SNTG1: variants seen among roughly 807,000 people sequenced by gnomAD.
SNTG1 encodes the protein syntrophin gamma 1.
A neutral mutation model predicts 74.7 loss-of-function variants in SNTG1; 39 were observed. That is an observed-to-expected ratio of 0.52 (90% CI 0.40 to 0.68). SNTG1 has a LOEUF of 0.68. Among genes scored for constraint, SNTG1 ranks in the 30% least tolerant of loss-of-function variants. The pLI, the probability that SNTG1 is intolerant of heterozygous loss-of-function variation, is 0.00. For missense variants in SNTG1, 685 were observed against 609.5 expected, an observed-to-expected ratio of 1.12 and a Z score of -1.30; for synonymous variants, 254 against 217.1, an observed-to-expected ratio of 1.17 and a Z score of -1.49.
At chr8:50,438,905 C>T (rs2093332046) in intron 5 of SNTG1, among the ~76,000 whole-genome samples, 1 of 152,032 alleles carries the variant, frequency 6.6e-6, no homozygotes, top group South Asian at 2.1e-4. Flanking sequence ...CTTTAACCAA[C>T]TGGAGTAGGA....
chr8:50,243,935 G>T (rs984461873), intron 2 of SNTG1, among the ~76,000 whole-genome samples: 2 of 152,104 alleles, frequency 1.3e-5, no homozygotes, highest in African/African-American at 4.8e-5. Context: ...GGGTTTTGGG[G>T]GAAGGAGAAT....
intron 4 of SNTG1, among the ~76,000 whole-genome samples, chr8:50,429,633 A>T (rs1435818839): frequency 6.6e-6 from 1 of 152,178 alleles, no homozygotes; most frequent in African/African-American, 2.4e-5. Context: ...AAAAACAGAT[A>T]AATGGCACAT....
chr8:50,220,039 A>G (rs1191800790), intron 2 of SNTG1, among the ~76,000 whole-genome samples: 2 of 152,192 alleles, frequency 1.3e-5, no homozygotes, highest in African/African-American at 4.8e-5. Context: ...AAAGAACTAC[A>G]AGGAGAAATT....
At chr8:50,254,005 C>G (rs548818708) in intron 2 of SNTG1, among the ~76,000 whole-genome samples, 1 of 152,066 alleles carries the variant, frequency 6.6e-6, no homozygotes, top group African/African-American at 2.4e-5. Flanking sequence ...AAATAGTTAA[C>G]AGTAAGGTAT....
chr8:50,205,843 G>T (rs189975814), intron 2 of SNTG1, among the ~76,000 whole-genome samples: 2,570 of 152,224 alleles, frequency 0.017, 64 homozygotes, highest in African/African-American at 0.052. Context: ...CCCATTTCTT[G>T]TTTTTGTCAG....
chr8:50,764,046 T>A (rs2095607199), intron 18 of SNTG1, among the ~76,000 whole-genome samples: 1 of 151,444 alleles, frequency 6.6e-6, no homozygotes, highest in African/African-American at 2.4e-5. Context: ...TCAATTGATT[T>A]TTACAATGGC....
intron 16 of SNTG1, among the ~76,000 whole-genome samples, chr8:50,706,535 A>T (rs1164052880): frequency 6.6e-6 from 1 of 152,148 alleles, no homozygotes; most frequent in Non-Finnish European, 1.5e-5. Flanking sequence ...TTAGATAGAG[A>T]TAAAATCTTT....
chr8:50,315,771 A>G (rs1163667036), intron 2 of SNTG1, among the ~76,000 whole-genome samples: 3 of 152,168 alleles, frequency 2.0e-5, no homozygotes, highest in Non-Finnish European at 4.4e-5. Flanking sequence ...CTAAGGATGC[A>G]AACCATCAAA....
chr8:50,223,984 AT>A (rs766121997), intron 2 of SNTG1, among the ~76,000 whole-genome samples: 2 of 152,150 alleles, frequency 1.3e-5, no homozygotes, highest in Non-Finnish European at 2.9e-5. Context: ...TAATAAAAAA[AT>A]AGTAAAATTG....
chr8:50,141,122 G>C (rs1186705419), intron 1 of SNTG1, among the ~76,000 whole-genome samples: 1 of 152,212 alleles, frequency 6.6e-6, no homozygotes, highest in African/African-American at 2.4e-5. Flanking sequence ...AGGTTTCGCT[G>C]ATTATGAATT....
intron 1 of SNTG1, among the ~76,000 whole-genome samples, chr8:50,013,700 A>G (rs1359663005): frequency 6.6e-6 from 1 of 152,160 alleles, no homozygotes; most frequent in Non-Finnish European, 1.5e-5. Flanking sequence ...GATCAGAATA[A>G]TTAGCATGTT....
At chr8:49,926,250 C>T (rs774735720) in intron 1 of SNTG1, among the ~76,000 whole-genome samples, 3 of 151,852 alleles carry the variant, frequency 2.0e-5, no homozygotes, top group Non-Finnish European at 2.9e-5. Flanking sequence ...TATAATTACC[C>T]ATATGTTCTA....
At chr8:49,964,843 T>C (rs989465155) in intron 1 of SNTG1, among the ~76,000 whole-genome samples, 2 of 152,238 alleles carry the variant, frequency 1.3e-5, no homozygotes, top group Non-Finnish European at 2.9e-5. Context: ...GATGGAATTA[T>C]TCTCAGTATA....
At chr8:50,152,028 T>C (rs1202254669) in intron 1 of SNTG1, among the ~76,000 whole-genome samples, 2 of 152,184 alleles carry the variant, frequency 1.3e-5, no homozygotes, top group African/African-American at 4.8e-5. Flanking sequence ...TCTCCCATTA[T>C]TATTGTGTGG....
intron 1 of SNTG1, among the ~76,000 whole-genome samples, chr8:49,957,805 A>AT (rs1024465418): frequency 1.6e-4 from 24 of 150,466 alleles, no homozygotes; most frequent in East Asian, 7.8e-4. Flanking sequence ...CTCCACACAA[A>AT]TTTTTTTTTT....
intron 2 of SNTG1, among the ~76,000 whole-genome samples, chr8:50,371,758 C>T (rs188333613): frequency 2.0e-5 from 3 of 152,112 alleles, no homozygotes; most frequent in Middle Eastern, 3.2e-3. Flanking sequence ...TCACATCTTC[C>T]TGGTGAATTG....
chr8:50,342,714 C>G (rs1013867767), intron 2 of SNTG1, among the ~76,000 whole-genome samples: 2 of 152,062 alleles, frequency 1.3e-5, no homozygotes, highest in African/African-American at 4.8e-5. Flanking sequence ...GAGAGGACTA[C>G]TCTTCAAATA....
intron 1 of SNTG1, among the ~76,000 whole-genome samples, chr8:50,074,111 C>T (rs1462395990): frequency 6.6e-6 from 1 of 152,020 alleles, no homozygotes; most frequent in Non-Finnish European, 1.5e-5. Flanking sequence ...CAATATAAGG[C>T]TGTTTTGTCT....
chr8:50,792,014 T>G (rs1421931780), intron 18 of SNTG1, among the ~76,000 whole-genome samples: 3 of 151,786 alleles, frequency 2.0e-5, no homozygotes, highest in Non-Finnish European at 4.4e-5. Context: ...GGTTACAAAT[T>G]TCCTTTGGTA....
Sources: allele counts gnomAD v4.1 joint callset (sites outside exome capture counted in the v4.1 genomes callset), GRCh38; gene constraint gnomAD v4.1.1; transcripts MANE v1.5; gene names NCBI Gene and HGNC (gene_info 2026-07-23, HGNC 2026-07-21).